OSBPL8: variants seen among roughly 807,000 people sequenced by gnomAD.
OSBPL8 encodes oxysterol-binding protein-related protein 8.
OSBPL8 carries 59 observed loss-of-function variants against 125.5 expected under a neutral mutation model. That is an observed-to-expected ratio of 0.47 (90% confidence interval 0.38 to 0.58). OSBPL8 has a LOEUF of 0.58. Among genes scored for constraint, OSBPL8 ranks in the 20% least tolerant of loss-of-function variants. The probability of loss-of-function intolerance (pLI) is 0.00; values close to 1 mark genes in which losing one functional copy is unlikely to be tolerated. For missense variants in OSBPL8, 758 were observed against 1,047.8 expected (o/e 0.72, Z 3.82); for synonymous variants, 330 against 338.9 (o/e 0.97, Z 0.29).
intron 10 of OSBPL8, 67 bp downstream of exon 10, chr12:76,392,514 T>C (rs1953605765): frequency 6.9e-7 from 1 of 1,444,198 alleles, no homozygotes; most frequent in African/African-American, 1.4e-5. Context: ...ATTCTAGGCC[T>C]GCCAACTAAT....
intron 1 of OSBPL8, among the ~76,000 whole-genome samples, chr12:76,557,477 T>C (rs1339340270): frequency 6.6e-6 from 1 of 152,020 alleles, no homozygotes; most frequent in Non-Finnish European, 1.5e-5. Context: ...TAGCCTGGCA[T>C]GGTGGCACGC....
At chr12:76,465,823 T>G (rs961571960) in intron 2 of OSBPL8, among the ~76,000 whole-genome samples, 3 of 151,874 alleles carry the variant, frequency 2.0e-5, no homozygotes, top group Admixed American at 6.6e-5. Context: ...CTGGCCAACA[T>G]GGTGAAACCC....
chr12:76,557,608 T>A (rs539783341), intron 1 of OSBPL8, among the ~76,000 whole-genome samples: 782 of 77,008 alleles, frequency 0.01, 7 homozygotes, highest in African/African-American at 0.044. Flanking sequence ...AGTGAGACAG[T>A]CTTAAAAAAA....
intron 1 of OSBPL8, among the ~76,000 whole-genome samples, chr12:76,538,395 A>G (rs2137400401): frequency 6.6e-6 from 1 of 152,356 alleles, no homozygotes; most frequent in South Asian, 2.1e-4. Flanking sequence ...CTTAATAATA[A>G]GATTAGCAAT....
At chr12:76,402,803 C>A in intron 5 of OSBPL8, 37 bp from the exon 6 acceptor site, 1 of 1,351,178 alleles carries the variant, frequency 7.4e-7, no homozygotes, top group South Asian at 1.3e-5. Flanking sequence ...TTAAATCCTT[C>A]AGATTTTCTA....
intron 18 of OSBPL8, among the ~76,000 whole-genome samples, chr12:76,372,030 T>C (rs1193950647): frequency 6.6e-6 from 1 of 152,198 alleles, no homozygotes; most frequent in Non-Finnish European, 1.5e-5. Flanking sequence ...TTGAGGTCTA[T>C]CTCTATCGAA....
chr12:76,523,307 A>C (rs1950074172), intron 1 of OSBPL8, among the ~76,000 whole-genome samples: 1 of 152,170 alleles, frequency 6.6e-6, no homozygotes, highest in South Asian at 2.1e-4. Context: ...CACATTTCTA[A>C]AGTATTCTTC....
intron 1 of OSBPL8, among the ~76,000 whole-genome samples, chr12:76,532,603 C>T (rs1027901835): frequency 2.0e-5 from 3 of 151,924 alleles, no homozygotes; most frequent in African/African-American, 7.3e-5. Flanking sequence ...CTGTCCGGAC[C>T]CATTTCCCCT....
chr12:76,524,353 T>C (rs949678683), intron 1 of OSBPL8, among the ~76,000 whole-genome samples: 2 of 152,226 alleles, frequency 1.3e-5, no homozygotes, highest in African/African-American at 4.8e-5. Context: ...TCAACTCTGC[T>C]GGCCTTTTAG....
intron 1 of OSBPL8, among the ~76,000 whole-genome samples, chr12:76,548,920 C>T (rs776334949): frequency 6.6e-6 from 1 of 151,598 alleles, no homozygotes; most frequent in African/African-American, 2.4e-5. Context: ...AAAAACTGAC[C>T]GGAGGAGAAA....
chr12:76,548,895 T>G (rs1371163083), intron 1 of OSBPL8, among the ~76,000 whole-genome samples: 1 of 151,704 alleles, frequency 6.6e-6, no homozygotes, highest in Non-Finnish European at 1.5e-5. Context: ...AAAGAATGAT[T>G]ACAAAAACAA....
At chr12:76,511,742 G>A (rs1881015613) in intron 1 of OSBPL8, among the ~76,000 whole-genome samples, 2 of 152,136 alleles carry the variant, frequency 1.3e-5, no homozygotes, top group Admixed American at 1.3e-4. Flanking sequence ...GATCCCACTT[G>A]TCAATTTTTG....
At chr12:76,512,410 T>C (rs1592823962) in intron 1 of OSBPL8, among the ~76,000 whole-genome samples, 2 of 152,302 alleles carry the variant, frequency 1.3e-5, no homozygotes, top group East Asian at 3.9e-4. Context: ...TTTGTTACTG[T>C]GAACAGCCCA....
intron 19 of OSBPL8, among the ~76,000 whole-genome samples, chr12:76,370,744 G>C (rs1383285850): frequency 6.6e-6 from 1 of 152,136 alleles, no homozygotes; most frequent in African/African-American, 2.4e-5. Flanking sequence ...GAGTGTAGAA[G>C]GGAAGGTACA....
Position 76,472,496 on chromosome 12 carries a change from C to T in OSBPL8, c.43-12601G>A, listed in dbSNP as rs563456232. Among the ~76,000 whole-genome samples, 4 of 152,156 alleles carry T rather than the reference C, an allele frequency of 2.6e-5. No homozygotes were observed. The South Asian group carries it at 8.3e-4, about 32-fold the overall frequency. On this transcript the variant is annotated intron_variant, in intron 2 of 23. Coordinates refer to ENST00000261183, the MANE Select transcript of OSBPL8 (RefSeq NM_020841.5). ...GCTGGGCCCGGGGGACCACTACCAC[C>T]AAGACGCGGAGACTGGTAGTGGCCC...
chr12:76,535,392 A>G (rs1950465212), intron 1 of OSBPL8, among the ~76,000 whole-genome samples: 1 of 152,216 alleles, frequency 6.6e-6, no homozygotes, highest in Non-Finnish European at 1.5e-5. Context: ...ACGCAAATGA[A>G]AAACCACAAT....
chr12:76,525,796 AC>A (rs1257789461), intron 1 of OSBPL8, among the ~76,000 whole-genome samples: 13 of 152,242 alleles, frequency 8.5e-5, no homozygotes, highest in African/African-American at 3.1e-4. Context: ...AAATAAAAAA[AC>A]AAAGGGAAAA....
chr12:76,481,306 G>A (rs1877450953), intron 2 of OSBPL8, among the ~76,000 whole-genome samples: 1 of 152,158 alleles, frequency 6.6e-6, no homozygotes, highest in Admixed American at 6.5e-5. Context: ...AAGTGCTATT[G>A]TACAACAATA....
chr12:76,472,462 GAA>G (rs1292553320), intron 2 of OSBPL8, among the ~76,000 whole-genome samples: 13 of 152,202 alleles, frequency 8.5e-5, no homozygotes, highest in Admixed American at 4.6e-4. Context: ...AGAGATAAGA[GAA>G]AAGACAGCTG....
Sources: allele counts gnomAD v4.1 joint callset (sites outside exome capture counted in the v4.1 genomes callset), GRCh38; gene constraint gnomAD v4.1.1; transcripts MANE v1.5; gene names NCBI Gene and HGNC (gene_info 2026-07-23, HGNC 2026-07-21).